The following EIF3A variants were observed in gnomAD, a reference collection of about 807,000 sequenced individuals.
The protein encoded by EIF3A is EIF3, p180 subunit.
In EIF3A, 21 loss-of-function variants were observed where a neutral mutation model predicts 186.6. The observed-to-expected ratio is 0.11, with a 90% CI of 0.08 to 0.16. EIF3A has a LOEUF of 0.16. Ranked by LOEUF, EIF3A falls within the 10% of genes least tolerant of loss-of-function variation. The pLI, the probability that EIF3A is intolerant of heterozygous loss-of-function variation, is 1.00. For missense variants in EIF3A, 1,306 were observed against 1,796.3 expected (o/e 0.73, Z 4.93); for synonymous variants, 563 against 584.3 (o/e 0.96, Z 0.52).
At chr10:119,072,617 T>C (rs1324403413) in intron 4 of EIF3A, among the ~76,000 whole-genome samples, 1 of 152,058 alleles carries the variant, frequency 6.6e-6, no homozygotes, top group Non-Finnish European at 1.5e-5. Flanking sequence ...CACGCCCGGC[T>C]AAATTTTTTG....
intron 14 of EIF3A, among the ~76,000 whole-genome samples, chr10:119,053,122 AG>A (rs1848380491): frequency 6.6e-6 from 1 of 152,108 alleles, no homozygotes; most frequent in Non-Finnish European, 1.5e-5. Context: ...TTTGAGCAGT[AG>A]GTCTCAACAG....
rs1400526991 is a variant in EIF3A, at chr10:119,035,151, A to G, written c.*888T>C. On this transcript the variant is annotated 3_prime_UTR_variant, in exon 22 of 22. Transcript: ENST00000369144. ...TCTTTAACATAGCTACTGCGCTCCA[A>G]AATTGAAGTCAACACAGTCATTACT... 2.6e-5 allele frequency: 4 copies of G among 152,382 alleles called. No individual in the cohort carries two copies. The highest frequency in any genetic ancestry group is 9.7e-5 in the African/African-American group (4 of 41,374). The allele number at this position is 152,382 out of a possible 1,614,324, so 9.4% of individuals were successfully genotyped here. A position where few individuals can be genotyped will look rare whatever the true frequency, so the allele number is the denominator to read the frequency against.
At chr10:119,037,355 AATGG>A (rs1351840510) in intron 20 of EIF3A, 46 bp from the exon 21 acceptor site, 1 of 1,537,204 alleles carries the variant, frequency 6.5e-7, no homozygotes, top group Admixed American at 1.7e-5. Context: ...TGTTAGACCA[AATGG>A]ATAATTATAA....
Position 119,043,903 on chromosome 10 carries a change from AAAC to A in EIF3A, c.2747+148_2747+150del, listed in dbSNP as rs564246638. 2,653 of 641,138 alleles carry A rather than the reference AAAC, an allele frequency of 4.1e-3. 13 individuals carry two copies. The highest frequency in any genetic ancestry group is 5.8e-3 in the Non-Finnish European group (2,124 of 365,380). 39.7% of individuals were successfully genotyped at this position (641,138 alleles called of 1,614,324 possible). A position where few individuals can be genotyped will look rare whatever the true frequency, so the allele number is the denominator to read the frequency against. ...CCCAGCCTGGGCAGCAGACCCAAAAAAACAAAATACAAACCCACACGCAATCAG... is the reference window on the plus strand; with the variant it reads ...CCCAGCCTGGGCAGCAGACCCAAAAAAAAATACAAACCCACACGCAATCAG... On this transcript the variant is annotated intron_variant, in intron 18 of 21. Coordinates refer to ENST00000369144, the MANE Select transcript of EIF3A (RefSeq NM_003750.4).
chr10:119,061,067 T>C (rs1039864984), intron 8 of EIF3A, 157 bp downstream of exon 8: 4 of 571,278 alleles, frequency 7.0e-6, no homozygotes, highest in African/African-American at 3.9e-5. Flanking sequence ...ACATCAGATA[T>C]ATCTTTTCTC....
At chr10:119,047,653 T>G (rs529957597) in intron 17 of EIF3A, among the ~76,000 whole-genome samples, 4 of 152,178 alleles carry the variant, frequency 2.6e-5, no homozygotes, top group Non-Finnish European at 5.9e-5. Context: ...GCTGATTTCA[T>G]GCACACACAC....
At chr10:119,069,729 C>T (rs527290715) in intron 5 of EIF3A, 75 bp from the exon 6 acceptor site, 19 of 767,850 alleles carry the variant, frequency 2.5e-5, no homozygotes, top group Middle Eastern at 2.8e-4. Flanking sequence ...TTCTATGAAA[C>T]CTACAACACA....
intron 14 of EIF3A, among the ~76,000 whole-genome samples, chr10:119,056,485 A>G (rs1336460431): frequency 6.6e-6 from 1 of 152,180 alleles, no homozygotes; most frequent in Non-Finnish European, 1.5e-5. Flanking sequence ...CATGCCATAC[A>G]ATTTACCCAT....
intron 17 of EIF3A, among the ~76,000 whole-genome samples, chr10:119,049,150 T>A (rs1454440654): frequency 1.3e-5 from 2 of 152,042 alleles, no homozygotes; most frequent in African/African-American, 2.4e-5. Context: ...TTGGGAAAAC[T>A]ACCACATTAA....
Position 119,042,832 on chromosome 10 carries a change from G to C in EIF3A, c.2748-60C>G. On this transcript the variant is annotated intron_variant, in intron 18 of 21. Transcript: ENST00000369144. This position sits in a 1 kb window ranked among gnomAD's most constrained non-coding sequence, Gnocchi z 7.8. ...AATAAAAAAGCATATGATCCTTTGG[G>C]GATTTTTTTTTTCACATGCTTTTTA... The C allele has an allele frequency of 6.7e-7, 1 of 1,489,446 alleles. No homozygotes were observed. The highest frequency in any genetic ancestry group is 8.9e-7 in the Non-Finnish European group (1 of 1,125,550). 92.3% of individuals were successfully genotyped at this position (1,489,446 alleles called of 1,614,324 possible).
rs1220353948 is a variant in EIF3A, at chr10:119,038,381, T to G, written c.3585A>C (p.Ser1195=). ...CCCATTCACGTTCTTCTGATGGCCTTGATTCTCGAGGTGGACCCCAGCTCT... is the reference window on the plus strand; with the variant it reads ...CCCATTCACGTTCTTCTGATGGCCTGGATTCTCGAGGTGGACCCCAGCTCT... ...REESWGPPRE[S]RPSEEREWDR... Residue 1195 remains serine (S), a synonymous_variant, in exon 20 of 22, where the codon TCA becomes TCC. Transcript: ENST00000369144. The G allele has an allele frequency of 1.2e-6, 2 of 1,614,230 alleles. No homozygotes were observed. Among genetic ancestry groups the G allele is most frequent in the South Asian group, 2.2e-5 (2 of 91,084 alleles).
Position 119,042,853 on chromosome 10 carries a change from T to A in EIF3A, c.2748-81A>T. 1 of 1,418,802 alleles carries A rather than the reference T, an allele frequency of 7.0e-7. No individual in the cohort carries two copies. Among genetic ancestry groups the A allele is most frequent in the Middle Eastern group, 2.3e-4 (1 of 4,426 alleles). 87.9% of individuals were successfully genotyped at this position (1,418,802 alleles called of 1,614,324 possible). On this transcript the variant is annotated intron_variant, in intron 18 of 21. Transcript: ENST00000369144. The surrounding 1 kb of genome is among the most constrained non-coding windows in gnomAD (Gnocchi z 7.8). The stretch of plus-strand genomic sequence containing the variant: ...TTGGGGATTTTTTTTTTCACATGCT[T>A]TTTAAAAACTTCAGTATGGGCCGGA...
intron 17 of EIF3A, among the ~76,000 whole-genome samples, chr10:119,047,405 C>T (rs1402939720): frequency 6.6e-6 from 1 of 152,066 alleles, no homozygotes; most frequent in Non-Finnish European, 1.5e-5. Flanking sequence ...ATACTAGTTA[C>T]CATGTTAAAT....
chr10:119,051,335 T>C lies in EIF3A; in HGVS notation c.2197-14A>G, dbSNP rs1315722848. ...CATTGTAGTAATCTGCAAGTACAAA[T>C]ATTGTGAAATTTCAATGCACTTTTT... On this transcript the variant is annotated splice_polypyrimidine_tract_variant and intron_variant, in intron 14 of 21. Coordinates refer to ENST00000369144, the MANE Select transcript of EIF3A (RefSeq NM_003750.4). 6.4e-7 allele frequency: 1 copy of C among 1,563,562 alleles called. No homozygotes were observed. The highest frequency in any genetic ancestry group is 2.3e-5 in the East Asian group (1 of 43,062).
chr10:119,069,553 A>T lies in EIF3A; in HGVS notation c.843T>A (p.Thr281=). The part of the protein sequence containing the change: ...LMANYYNKVS[T]VFWKSGNALF... ...GAGCATTTCCAGATTTCCAAAACAC[A>T]GTTGAGACTTTGTTATAGTAATTTG... Residue 281 remains threonine, a synonymous_variant, in exon 6 of 22, where the codon ACT becomes ACA. Transcript: ENST00000369144. 1 of 1,593,138 alleles carries T rather than the reference A, an allele frequency of 6.3e-7. No homozygotes were observed. The highest frequency in any genetic ancestry group is 8.6e-7 in the Non-Finnish European group (1 of 1,160,882).
Position 119,042,168 on chromosome 10 carries a change from C to T in EIF3A, c.3352G>A (p.Gly1118Arg), listed in dbSNP as rs749657975. Residue 1118 changes from glycine (G) to arginine (R), a missense_variant, in exon 19 of 22, where the codon GGA becomes AGA. Gly to Arg is a moderately radical substitution (Grantham distance 125, BLOSUM62 -2). This residue lies in a region of EIF3A where 331 missense variants were observed against 365.8 expected (regional missense o/e 0.90). Coordinates refer to ENST00000369144, the MANE Select transcript of EIF3A (RefSeq NM_003750.4). The surrounding 1 kb of genome is among the most constrained non-coding windows in gnomAD (Gnocchi z 7.8). The part of the protein sequence containing the change: ...GPRRGLDDDR[G>R]PWRNADDDRI... ...TCATCATCGGCGTTCCTCCAAGGTC[C>T]TCGATCATCATCCAACCCTCGCCTG... The T allele has an allele frequency of 6.2e-7, 1 of 1,614,006 alleles. No homozygotes were observed. Among genetic ancestry groups the T allele is most frequent in the Non-Finnish European group, 8.5e-7 (1 of 1,180,046 alleles).
chr10:119,055,062 G>A (rs1266494627), intron 14 of EIF3A, among the ~76,000 whole-genome samples: 1 of 152,144 alleles, frequency 6.6e-6, no homozygotes, highest in African/African-American at 2.4e-5. Flanking sequence ...ACAAAAACTA[G>A]CCGGGCATGG....
At position 119,053,065 on chromosome 10, in the gene EIF3A, G is replaced by C. The variant is rs533590832; in HGVS notation, c.2197-1744C>G. On this transcript the variant is annotated intron_variant, in intron 14 of 21. Coordinates refer to ENST00000369144, the MANE Select transcript of EIF3A (RefSeq NM_003750.4). The stretch of plus-strand genomic sequence containing the variant: ...TACATCACTGTCAGAGCTGTCATAC[G>C]ATCAGATGCATTGTCAATGAGCAGC... Among the ~76,000 whole-genome samples the C allele has an allele frequency of 2.6e-4, 40 of 152,158 alleles. 1 individual carries two copies. Among genetic ancestry groups the C allele is most frequent in the Non-Finnish European group, 5.4e-4 (37 of 68,038 alleles).
Position 119,059,467 on chromosome 10 carries a change from T to C in EIF3A, c.1444-70A>G, listed in dbSNP as rs559239695. The C allele has an allele frequency of 8.3e-6, 11 of 1,318,974 alleles. No homozygotes were observed. The South Asian group carries it at 1.4e-4, about 16-fold the overall frequency. The allele number at this position is 1,318,974 out of a possible 1,614,324, so 81.7% of individuals were successfully genotyped here. ...GAAGTCAAAAAGTAACAGAAGAATGTCATATACAAAAGCTGGAAAAGTTCA... is the reference window on the plus strand; with the variant it reads ...GAAGTCAAAAAGTAACAGAAGAATGCCATATACAAAAGCTGGAAAAGTTCA... On this transcript the variant is annotated intron_variant, in intron 10 of 21. Coordinates refer to ENST00000369144, the MANE Select transcript of EIF3A (RefSeq NM_003750.4).
Sources: allele counts gnomAD v4.1 joint callset (sites outside exome capture counted in the v4.1 genomes callset), GRCh38; gene constraint gnomAD v4.1.1; regional missense constraint gnomAD v4.1.1; non-coding constraint Gnocchi (gnomAD v3.1); transcripts MANE v1.5; gene names NCBI Gene and HGNC (gene_info 2026-07-23, HGNC 2026-07-21).